Variants in TBC1D30 observed in about 807,000 individuals in gnomAD.
TBC1D30 encodes TBC1 domain family, member 30.
A neutral mutation model predicts 63.2 loss-of-function variants in TBC1D30; 31 were observed. That is an observed-to-expected ratio of 0.49 (90% CI 0.37 to 0.66). TBC1D30 has a LOEUF of 0.66. TBC1D30 is among the 30% of genes least tolerant of loss of function. The pLI is 0.00. For synonymous variants in TBC1D30, 307 were observed against 361.5 expected, an observed-to-expected ratio of 0.85 and a Z score of 1.71; for missense variants, 810 against 953.6, an observed-to-expected ratio of 0.85 and a Z score of 1.98.
chr12:64,824,072 CTTT>C (rs11423646), upstream of TBC1D30, among the ~76,000 whole-genome samples: 9 of 145,238 alleles, frequency 6.2e-5, no homozygotes, highest in Admixed American at 1.4e-4. Flanking sequence ...TTGAGAATGA[CTTT>C]TTTTTTTTTA....
At chr12:64,873,447 C>A (rs552808668) in intron 11 of TBC1D30, among the ~76,000 whole-genome samples, 1 of 152,022 alleles carries the variant, frequency 6.6e-6, no homozygotes, top group African/African-American at 2.4e-5. Flanking sequence ...TAGGTTGGGG[C>A]TTTACTAGCA....
At chr12:64,856,711 G>T (rs997685087) in intron 8 of TBC1D30, among the ~76,000 whole-genome samples, 14 of 152,164 alleles carry the variant, frequency 9.2e-5, no homozygotes, top group Non-Finnish European at 1.8e-4. Flanking sequence ...GGTGTGTCTA[G>T]AGTTTTTTTC....
At chr12:64,781,797 G>A (rs1871310513) in intron 1 of TBC1D30, among the ~76,000 whole-genome samples, 2 of 151,872 alleles carry the variant, frequency 1.3e-5, no homozygotes, top group African/African-American at 2.4e-5. Context: ...TTTCGAAGCA[G>A]AGCGTGTGAA....
At chr12:64,872,731 C>T (rs888447298) in intron 11 of TBC1D30, among the ~76,000 whole-genome samples, 3 of 152,150 alleles carry the variant, frequency 2.0e-5, no homozygotes, top group African/African-American at 7.2e-5. Flanking sequence ...TTATAAGAGG[C>T]TTAATGGACT....
At chr12:64,855,571 C>T (rs1189258832) in intron 8 of TBC1D30, among the ~76,000 whole-genome samples, 1 of 152,144 alleles carries the variant, frequency 6.6e-6, no homozygotes, top group East Asian at 1.9e-4. Context: ...TGTCTTCAAG[C>T]TCACTAATTA....
intron 2 of TBC1D30, among the ~76,000 whole-genome samples, chr12:64,789,885 A>G (rs1871824640): frequency 6.6e-6 from 1 of 152,248 alleles, no homozygotes; most frequent in Non-Finnish European, 1.5e-5. Flanking sequence ...CACTGAGTAC[A>G]TGCTTTATGC....
exon 1 of TBC1D30, chr12:64,759,554 G>A (rs1453923932): frequency 2.5e-6 from 1 of 395,154 alleles, no homozygotes; most frequent in African/African-American, 2.2e-5. Context: ...CGGAGAACCG[G>A]AGAAAAGGGC....
intron 3 of TBC1D30, among the ~76,000 whole-genome samples, chr12:64,829,354 T>G (rs529842884): frequency 4.6e-5 from 7 of 152,112 alleles, no homozygotes; most frequent in Non-Finnish European, 8.8e-5. Flanking sequence ...CTAGACGTAT[T>G]TTGAAGGCTG....
chr12:64,824,714 C>T lies in TBC1D30; in HGVS notation c.-166C>T. ...GCGCTCGGCGGCTCCCGCGGTGCCC[C>T]GTAAGTCCCCGTGACCCTCCAGCAC... On this transcript the variant is annotated 5_prime_UTR_variant, in exon 1 of 12. Coordinates refer to ENST00000539867, the MANE Select transcript of TBC1D30 (RefSeq NM_015279.2). 1 of 949,758 alleles carries T rather than the reference C, an allele frequency of 1.1e-6. No individual in the cohort carries two copies. Among genetic ancestry groups the T allele is most frequent in the Non-Finnish European group, 1.5e-6 (1 of 672,968 alleles). The allele number at this position is 949,758 out of a possible 1,614,324, so 58.8% of individuals were successfully genotyped here.
At position 64,765,490 on chromosome 12, in the gene TBC1D30, CAAAAAAAAAAAA is replaced by C. The variant is rs60489979; in HGVS notation, c.-376+5860_-376+5871del. 1.6e-3 allele frequency among the ~76,000 whole-genome samples: 28 copies of C among 17,602 alleles called. No individual in the cohort carries two copies. The South Asian group carries it at 0.031, about 19-fold the overall frequency. The allele number at this position is 17,602 out of a possible 152,430, so 11.5% of individuals were successfully genotyped here. ...CTGGGCGACAGAGCAAGACTGTCTC[CAAAAAAAAAAAA>C]AAAAAAAAAAAAAAAAAATTACTAT... On this transcript the variant is annotated intron_variant, in intron 1 of 13. Transcript: ENST00000674237.
chr12:64,838,718 A>T lies in TBC1D30; in HGVS notation c.799A>T (p.Met267Leu), dbSNP rs773499221. The T allele has an allele frequency of 2.0e-6, 3 of 1,536,492 alleles. No homozygotes were observed. Among genetic ancestry groups the T allele is most frequent in the Non-Finnish European group, 2.6e-6 (3 of 1,147,040 alleles). Residue 267 changes from methionine to leucine, a missense_variant, in exon 7 of 12, where the codon ATG (methionine) becomes TTG (leucine). Met to Leu is a conservative substitution (Grantham distance 15). This residue lies in a region of TBC1D30 where 272 missense variants were observed against 335.9 expected (regional missense o/e 0.81). Transcript: ENST00000539867. ...GCCCCCACTTACAAATGTCTTCACG[A>T]TGCAGTGGTTTCTGACTCTCTTTGC... ...YEPPLTNVFT[M>L]QWFLTLFATC...
chr12:64,841,762 A>G (rs1875894238), intron 7 of TBC1D30, among the ~76,000 whole-genome samples: 1 of 152,082 alleles, frequency 6.6e-6, no homozygotes, highest in South Asian at 2.1e-4. Flanking sequence ...ACTTTTCAAA[A>G]CTCATCTCAA....
At position 64,877,846 on chromosome 12, in the gene TBC1D30, C is replaced by G. The variant is rs1879198245; in HGVS notation, c.*2058C>G. On this transcript the variant is annotated 3_prime_UTR_variant, in exon 12 of 12. Transcript: ENST00000539867. ...CATGTTCCCCTTGAGGGATGTCTGA[C>G]TTGAATGGAGAATTGTTCTTTCCTC... is the stretch of plus-strand genomic sequence containing the variant. The G allele has an allele frequency of 6.6e-6, 1 of 152,620 alleles. No homozygotes were observed. 9.5% of individuals were successfully genotyped at this position (152,620 alleles called of 1,614,324 possible).
At position 64,880,423 on chromosome 12, in the gene TBC1D30, A is replaced by C. The variant is rs528517166; in HGVS notation, c.*4635A>C. Reference sequence around the variant, plus strand: ...CTGGAGGCTGAGAAGTCAAAGATCAACGTGTCTGCAAATTTGGTATCTGGT... The same window carrying C: ...CTGGAGGCTGAGAAGTCAAAGATCACCGTGTCTGCAAATTTGGTATCTGGT... On this transcript the variant is annotated 3_prime_UTR_variant, in exon 12 of 12. Transcript: ENST00000539867. 1 of 152,410 alleles carries C rather than the reference A, an allele frequency of 6.6e-6. No individual in the cohort carries two copies. Among genetic ancestry groups the C allele is most frequent in the South Asian group, 2.1e-4 (1 of 4,818 alleles). 9.4% of individuals were successfully genotyped at this position (152,410 alleles called of 1,614,324 possible). A position where few individuals can be genotyped will look rare whatever the true frequency, so the allele number is the denominator to read the frequency against.
intron 1 of TBC1D30, chr12:64,785,750 G>A: frequency 1.6e-6 from 1 of 619,326 alleles, no homozygotes; most frequent in Non-Finnish European, 2.4e-6. Flanking sequence ...ATGCATACAT[G>A]TAATCTTGAG....
In TBC1D30 at chr12:64,842,679, T is replaced by C. The variant is rs1038363381; in HGVS notation, c.933-701T>C. Among the ~76,000 whole-genome samples the C allele has an allele frequency of 2.0e-5, 3 of 152,238 alleles. No individual in the cohort carries two copies. The East Asian group carries it at 5.8e-4, about 29-fold the overall frequency. Reference sequence around the variant, plus strand: ...CTGTGGTTTGGTTTTAAATCTATTATATTAATGATATCACTGTTTGCAGAT... The same window carrying C: ...CTGTGGTTTGGTTTTAAATCTATTACATTAATGATATCACTGTTTGCAGAT... On this transcript the variant is annotated intron_variant, in intron 7 of 11. Coordinates refer to ENST00000539867, the MANE Select transcript of TBC1D30 (RefSeq NM_015279.2).
intron 2 of TBC1D30, among the ~76,000 whole-genome samples, chr12:64,793,534 C>T (rs1231379317): frequency 6.7e-6 from 1 of 150,352 alleles, no homozygotes; most frequent in Non-Finnish European, 1.5e-5. Context: ...GTGGCACGCA[C>T]CTGTAATCCC....
At chr12:64,848,131 A>G (rs532080214) in intron 8 of TBC1D30, among the ~76,000 whole-genome samples, 1 of 152,156 alleles carries the variant, frequency 6.6e-6, no homozygotes, top group South Asian at 2.1e-4. Context: ...TTATCATTAC[A>G]TAATGACCTT....
At chr12:64,832,682 T>C (rs1259412237) in intron 5 of TBC1D30, among the ~76,000 whole-genome samples, 2 of 152,228 alleles carry the variant, frequency 1.3e-5, no homozygotes, top group Admixed American at 6.5e-5. Flanking sequence ...CACATCACTG[T>C]TGCTGTTGGT....
Sources: gnomAD v4.1 joint callset for allele counts (sites outside exome capture counted in the v4.1 genomes callset) on GRCh38, gnomAD v4.1.1 for gene constraint, gnomAD v4.1.1 regional missense constraint, MANE v1.5 for transcripts, NCBI Gene and HGNC (gene_info 2026-07-23, HGNC 2026-07-21) for gene names.